CFAP36: variants seen among roughly 807,000 people sequenced by gnomAD.
CFAP36 encodes cilia and flagella associated protein 36, also known as cilia- and flagella-associated protein 36.
Under a neutral mutation model 50.5 loss-of-function variants are expected in CFAP36, and 37 were observed. The observed-to-expected ratio is 0.73, with a 90% CI of 0.56 to 0.96. CFAP36 has a LOEUF of 0.96. Among genes scored for constraint, CFAP36 ranks in the 50% least tolerant of loss-of-function variants. The pLI is 0.00. For synonymous variants in CFAP36, 138 were observed against 128.2 expected, an observed-to-expected ratio of 1.08 and a Z score of -0.52; for missense variants, 407 against 396.2, an observed-to-expected ratio of 1.03 and a Z score of -0.23.
At chr2:55,532,805 G>A (rs1298200228) in intron 4 of CFAP36, among the ~76,000 whole-genome samples, 4 of 152,238 alleles carry the variant, frequency 2.6e-5, no homozygotes, top group Admixed American at 2.6e-4. Context: ...TAAAAATTAA[G>A]AAGCATTCTG....
chr2:55,545,032 T>C lies in CFAP36; in HGVS notation c.*24T>C, dbSNP rs1176462613. 1.5e-6 allele frequency: 2 copies of C among 1,352,842 alleles called. No individual in the cohort carries two copies. The highest frequency in any genetic ancestry group is 1.5e-5 in the African/African-American group (1 of 67,350). 83.8% of individuals were successfully genotyped at this position (1,352,842 alleles called of 1,614,324 possible). A position where few individuals can be genotyped will look rare whatever the true frequency, so the allele number is the denominator to read the frequency against. ...AATAATTAAGAACAATTTAACAAAA[T>C]GGAAGTTCAAATTGTCTTAAAAATA... On this transcript the variant is annotated 3_prime_UTR_variant, in exon 10 of 10. Transcript: ENST00000349456.
In CFAP36 at chr2:55,523,131, C is replaced by A. The variant is rs111318507; in HGVS notation, c.181-590C>A. Among the ~76,000 whole-genome samples, 797 of 149,016 alleles carry A rather than the reference C, an allele frequency of 5.3e-3. 2 individuals are homozygous for A. Among genetic ancestry groups the A allele is most frequent in the Middle Eastern group, 0.021 (6 of 284 alleles). ...AAAAAAGAAAGAAAGAAAGAAAAGG[C>A]CAGGCGTGGTGGCTCATGCCTATAA... On this transcript the variant is annotated intron_variant, in intron 2 of 9. Transcript: ENST00000349456.
At chr2:55,536,605 C>T (rs1464381319) in intron 6 of CFAP36, among the ~76,000 whole-genome samples, 1 of 151,874 alleles carries the variant, frequency 6.6e-6, no homozygotes, top group African/African-American at 2.4e-5. Flanking sequence ...CGTGTACCAC[C>T]ACGCCCAGCT....
chr2:55,538,019 T>G (rs746220078), intron 7 of CFAP36, among the ~76,000 whole-genome samples: 1 of 152,240 alleles, frequency 6.6e-6, no homozygotes, highest in Non-Finnish European at 1.5e-5. Context: ...AGCCATTTTG[T>G]CCAGATATTT....
At chr2:55,521,595 ATGTGTGTG>A (rs60921606) in intron 1 of CFAP36, among the ~76,000 whole-genome samples, 100 of 146,218 alleles carry the variant, frequency 6.8e-4, no homozygotes, top group African/African-American at 1.9e-3. Context: ...AATAGTATAT[ATGTGTGTG>A]TGTGTGTGTG....
At chr2:55,523,137 G>A (rs369698859) in intron 2 of CFAP36, among the ~76,000 whole-genome samples, 11 of 150,170 alleles carry the variant, frequency 7.3e-5, no homozygotes, top group East Asian at 5.9e-4. Context: ...AAGGCCAGGC[G>A]TGGTGGCTCA....
chr2:55,535,628 A>C, intron 5 of CFAP36, 84 bp from the exon 6 acceptor site: 4 of 1,000,352 alleles, frequency 4.0e-6, no homozygotes, highest in South Asian at 1.7e-5. Flanking sequence ...TTGTAAGCTT[A>C]GGTTAGCATG....
chr2:55,533,789 T>C, intron 4 of CFAP36, 84 bp from the exon 5 acceptor site: 1 of 668,014 alleles, frequency 1.5e-6, no homozygotes, highest in South Asian at 2.7e-5. Context: ...TGAAGGTAAC[T>C]TGTACTTAAG....
chr2:55,544,047 G>A lies in CFAP36; in HGVS notation c.750G>A (p.Glu250=), dbSNP rs757368168. The A allele has an allele frequency of 6.2e-7, 1 of 1,613,856 alleles. No individual in the cohort carries two copies. Among genetic ancestry groups the A allele is most frequent in the Non-Finnish European group, 8.5e-7 (1 of 1,179,940 alleles). ...AAGACCTGAAGATTCCTGGCTTAGA[G>A]CATGCGAGCATTGAAGGACCAATAG... ...PQKDLKIPGL[E]HASIEGPIAN... The change falls in exon 8 of 10, where the codon GAG becomes GAA. Residue 250 remains glutamate, a synonymous_variant. Transcript: ENST00000349456.
At chr2:55,544,492 T>C (rs567098982) in intron 9 of CFAP36, 123 bp downstream of exon 9, 1 of 852,548 alleles carries the variant, frequency 1.2e-6, no homozygotes, top group East Asian at 2.8e-5. Flanking sequence ...AATCACCTCC[T>C]AGTGCAGTAG....
intron 2 of CFAP36, among the ~76,000 whole-genome samples, chr2:55,522,765 T>C (rs6545504): frequency 0.91 from 138,604 of 152,106 alleles, 63,690 homozygotes; most frequent in African/African-American, 0.97. Context: ...GGTTTACAGG[T>C]GTGAGCCACT....
chr2:55,536,101 C>T (rs1344044867), intron 6 of CFAP36, among the ~76,000 whole-genome samples: 1 of 150,702 alleles, frequency 6.6e-6, no homozygotes, highest in African/African-American at 2.4e-5. Flanking sequence ...TTTTCTCCTT[C>T]TTTATTTTTG....
At chr2:55,543,598 T>G (rs1298422249) in intron 7 of CFAP36, among the ~76,000 whole-genome samples, 1 of 152,202 alleles carries the variant, frequency 6.6e-6, no homozygotes, top group Non-Finnish European at 1.5e-5. Context: ...AGTATACTGT[T>G]TATTTGGATT....
At chr2:55,537,883 A>T (rs1023589139) in intron 7 of CFAP36, among the ~76,000 whole-genome samples, 1 of 152,258 alleles carries the variant, frequency 6.6e-6, no homozygotes, top group Non-Finnish European at 1.5e-5. Flanking sequence ...AGAGAGGTTC[A>T]CATAACATTT....
At chr2:55,535,952 T>C in intron 6 of CFAP36, 189 bp downstream of exon 6, 1 of 1,220,788 alleles carries the variant, frequency 8.2e-7, no homozygotes, top group Non-Finnish European at 1.1e-6. Context: ...GGCCACCATA[T>C]TATATAGTAC....
intron 4 of CFAP36, among the ~76,000 whole-genome samples, chr2:55,530,563 C>A (rs540213643): frequency 6.6e-6 from 1 of 152,328 alleles, no homozygotes; most frequent in African/African-American, 2.4e-5. Flanking sequence ...TCCCCTGACC[C>A]TGTGCTTAAG....
chr2:55,526,058 C>T lies in CFAP36; in HGVS notation c.282+2236C>T, dbSNP rs928655851. ...GCGGAGAAATCCTCATTATCAGGGCCTGGTTGAAATGCTACTTGTTATAGC... is the reference window on the plus strand; with the variant it reads ...GCGGAGAAATCCTCATTATCAGGGCTTGGTTGAAATGCTACTTGTTATAGC... On this transcript the variant is annotated intron_variant, in intron 3 of 9. Coordinates refer to ENST00000349456, the MANE Select transcript of CFAP36 (RefSeq NM_080667.7). Among the ~76,000 whole-genome samples the T allele has an allele frequency of 1.1e-4, 17 of 152,256 alleles. No individual in the cohort carries two copies. In the South Asian group the frequency reaches 2.1e-3, roughly 19 times the overall value.
Position 55,535,877 on chromosome 2 carries a change from C to A in CFAP36, c.537+114C>A, listed in dbSNP as rs570599161. On this transcript the variant is annotated intron_variant, in intron 6 of 9. Transcript: ENST00000349456. ...ATGTGGAACTACATAATTTTAAGTACAATGTAAATATTGACCAATAATATT... is the reference window on the plus strand; with the variant it reads ...ATGTGGAACTACATAATTTTAAGTAAAATGTAAATATTGACCAATAATATT... 5.6e-6 allele frequency: 8 copies of A among 1,420,852 alleles called. No individual in the cohort carries two copies. In the South Asian group the frequency reaches 1.2e-4, roughly 21 times the overall value. 88.0% of individuals were successfully genotyped at this position (1,420,852 alleles called of 1,614,324 possible).
intron 6 of CFAP36, 67 bp downstream of exon 6, chr2:55,535,830 C>T: frequency 1.3e-6 from 2 of 1,494,572 alleles, no homozygotes; most frequent in Non-Finnish European, 8.9e-7. Flanking sequence ...ACACCTAGAT[C>T]TTACTATTAA....
Sources: allele counts gnomAD v4.1 joint callset (sites outside exome capture counted in the v4.1 genomes callset), GRCh38; gene constraint gnomAD v4.1.1; transcripts MANE v1.5; gene names NCBI Gene and HGNC (gene_info 2026-07-23, HGNC 2026-07-21).